ESCO1: variants seen among roughly 807,000 people sequenced by gnomAD.
ESCO1 encodes the protein N-acetyltransferase ESCO1.
Under a neutral mutation model 83.5 loss-of-function variants are expected in ESCO1, and 33 were observed. The observed-to-expected ratio is 0.40, with a 90% CI of 0.30 to 0.53. ESCO1 has a LOEUF of 0.53. Ranked by LOEUF, ESCO1 falls within the 20% of genes least tolerant of loss-of-function variation. The pLI, the probability that ESCO1 is intolerant of heterozygous loss-of-function variation, is 0.63. For missense variants in ESCO1, 855 were observed against 968.0 expected, an observed-to-expected ratio of 0.88 and a Z score of 1.55; for synonymous variants, 332 against 324.3, an observed-to-expected ratio of 1.02 and a Z score of -0.25.
intron 7 of ESCO1, among the ~76,000 whole-genome samples, chr18:21,562,099 C>T (rs546817134): frequency 6.8e-6 from 1 of 147,324 alleles, no homozygotes; most frequent in Non-Finnish European, 1.5e-5. Flanking sequence ...AGGCTGGTCT[C>T]AAACTCCTGA....
At chr18:21,555,799 C>T (rs902357764) in intron 8 of ESCO1, among the ~76,000 whole-genome samples, 1 of 151,936 alleles carries the variant, frequency 6.6e-6, no homozygotes, top group African/African-American at 2.4e-5. Context: ...GAGACACTGT[C>T]CCAAAAGGAA....
At chr18:21,543,869 T>G (rs538036569) in intron 8 of ESCO1, among the ~76,000 whole-genome samples, 8 of 152,142 alleles carry the variant, frequency 5.3e-5, no homozygotes, top group Non-Finnish European at 1.0e-4. Context: ...ACATAGGAAA[T>G]CATGAGCTAT....
intron 8 of ESCO1, among the ~76,000 whole-genome samples, chr18:21,551,122 A>T (rs889307663): frequency 3.3e-5 from 5 of 151,170 alleles, no homozygotes; most frequent in Non-Finnish European, 5.9e-5. Context: ...CAAAAAAAAA[A>T]AAAAAAAGAA....
rs1454532224 is a variant in ESCO1, at chr18:21,559,814, G to A, written c.1953+1045C>T. Among the ~76,000 whole-genome samples, 5 of 152,308 alleles carry A rather than the reference G, an allele frequency of 3.3e-5. No homozygotes were observed. In the East Asian group the frequency reaches 5.8e-4, roughly 18 times the overall value. ...CACCTTATATTTGGTGAAGTGGTAG[G>A]AGAGAGTGTGTGGAGAAGTCAGATG... On this transcript the variant is annotated intron_variant, in intron 8 of 11. Coordinates refer to ENST00000269214, the MANE Select transcript of ESCO1 (RefSeq NM_052911.3).
In ESCO1 at chr18:21,534,996, T is replaced by G. The variant is rs529048167; in HGVS notation, c.2187+1046A>C. Among the ~76,000 whole-genome samples, 3 of 152,246 alleles carry G rather than the reference T, an allele frequency of 2.0e-5. No individual in the cohort carries two copies. The South Asian group carries it at 6.2e-4, about 32-fold the overall frequency. On this transcript the variant is annotated intron_variant, in intron 10 of 11. Transcript: ENST00000269214. ...CAGTCCACCTGGTCTCTGTTGCAAC[T>G]ATTCAACTCTGCCTTTGTAGTACAA... is the stretch of plus-strand genomic sequence containing the variant.
Position 21,564,291 on chromosome 18 carries a change from G to C in ESCO1, c.1733C>G (p.Pro578Arg), listed in dbSNP as rs1333670663. The C allele has an allele frequency of 6.2e-7, 1 of 1,609,694 alleles. No homozygotes were observed. Among genetic ancestry groups the C allele is most frequent in the Non-Finnish European group, 8.5e-7 (1 of 1,178,232 alleles). The change falls in exon 7 of 12, where the codon CCT (proline) becomes CGT (arginine). Residue 578 changes from proline to arginine, a missense_variant. Transcript: ENST00000269214. Reference protein sequence around the residue: ...NRETPRNHSLPKCNSHLEITI... With the variant: ...NRETPRNHSLRKCNSHLEITI... ...TATCTCCAAATGGGAATTACACTTA[G>C]GCAAAGAATGATTTCGTGGTGTCTC...
At chr18:21,600,465 G>A (rs1038787272) in intron 1 of ESCO1, among the ~76,000 whole-genome samples, 158 bp downstream of exon 1, 1 of 152,248 alleles carries the variant, frequency 6.6e-6, no homozygotes, top group African/African-American at 2.4e-5. Flanking sequence ...CCTCCCAGGG[G>A]CGCGAAGAGC....
intron 8 of ESCO1, among the ~76,000 whole-genome samples, chr18:21,542,424 G>C (rs958615827): frequency 6.6e-6 from 1 of 152,132 alleles, no homozygotes; most frequent in Non-Finnish European, 1.5e-5. Flanking sequence ...CCTTGTTCTT[G>C]GTAGTTACTA....
At chr18:21,572,634 G>A (rs1237995105) in intron 4 of ESCO1, among the ~76,000 whole-genome samples, 8 of 152,136 alleles carry the variant, frequency 5.3e-5, no homozygotes, top group Admixed American at 5.2e-4. Flanking sequence ...AGGCTGATTA[G>A]TCCTAGTTGA....
chr18:21,568,763 C>T (rs1037333717), intron 4 of ESCO1, among the ~76,000 whole-genome samples: 1 of 151,924 alleles, frequency 6.6e-6, no homozygotes, highest in African/African-American at 2.4e-5. Context: ...ATTAGCTGGG[C>T]GTGATGGCAA....
Position 21,573,557 on chromosome 18 carries a change from C to A in ESCO1, c.1287G>T (p.Met429Ile), listed in dbSNP as rs1308083464. 2 of 1,613,950 alleles carry A rather than the reference C, an allele frequency of 1.2e-6. No individual in the cohort carries two copies. The highest frequency in any genetic ancestry group is 1.7e-6 in the Non-Finnish European group (2 of 1,180,010). The stretch of plus-strand genomic sequence containing the variant: ...ACGTACTTTGAGTCACTGGATGATG[C>A]ATTTCTAAAGCTGGTGGTGAAAAAC... Reference protein sequence around the residue: ...RTSFSPPALEMHHPVTQSTFL... With the variant: ...RTSFSPPALEIHHPVTQSTFL... The change falls in exon 4 of 12, where the codon ATG (methionine) becomes ATT (isoleucine). Residue 429 changes from methionine to isoleucine, a missense_variant. By Grantham distance (10) the Met-to-Ile change is conservative (BLOSUM62 1). Around this residue, in one of 2 missense-constraint regions of ESCO1, gnomAD observed 726 missense variants for 699.5 expected, o/e 1.04. Transcript: ENST00000269214.
chr18:21,545,401 C>T (rs1015103945), intron 8 of ESCO1, among the ~76,000 whole-genome samples: 11 of 151,430 alleles, frequency 7.3e-5, no homozygotes, highest in Non-Finnish European at 1.3e-4. Context: ...TGGCAAACCC[C>T]GTCTCTACTA....
chr18:21,532,541 G>A lies in ESCO1; in HGVS notation c.2307C>T (p.Ile769=), dbSNP rs2037780432. The A allele has an allele frequency of 1.2e-6, 2 of 1,614,178 alleles. No homozygotes were observed. The highest frequency in any genetic ancestry group is 3.3e-5 in the Admixed American group (2 of 60,018). The change falls in exon 11 of 12, where the codon ATC becomes ATT. Residue 769 remains isoleucine, a synonymous_variant. Coordinates refer to ENST00000269214, the MANE Select transcript of ESCO1 (RefSeq NM_052911.3). ...STLPEPAICG[I]SRIWVFSMMR... ...TCATGCTGAATACCCATATTCGACTGATCCCGCAGATTGCAGGCTCTGGTA... is the reference window on the plus strand; with the variant it reads ...TCATGCTGAATACCCATATTCGACTAATCCCGCAGATTGCAGGCTCTGGTA...
At chr18:21,595,386 A>AG (rs773195514) in intron 1 of ESCO1, among the ~76,000 whole-genome samples, 5 of 95,584 alleles carry the variant, frequency 5.2e-5, no homozygotes, top group Non-Finnish European at 5.9e-5. Flanking sequence ...AAAAAAAAAA[A>AG]GGGGCCGGCG....
At chr18:21,554,968 C>T (rs938403200) in intron 8 of ESCO1, among the ~76,000 whole-genome samples, 2 of 151,680 alleles carry the variant, frequency 1.3e-5, no homozygotes, top group Non-Finnish European at 2.9e-5. Context: ...TGGCGACACA[C>T]GCCTGTAGTC....
At chr18:21,535,411 A>C (rs1407213841) in intron 10 of ESCO1, among the ~76,000 whole-genome samples, 6 of 134,220 alleles carry the variant, frequency 4.5e-5, no homozygotes, top group Non-Finnish European at 9.4e-5. Context: ...TTTGAGACCG[A>C]GTCTTGTGTC....
intron 1 of ESCO1, among the ~76,000 whole-genome samples, chr18:21,585,320 ACAGAGTAT>A (rs1168520946): frequency 6.6e-6 from 1 of 152,070 alleles, no homozygotes; most frequent in Non-Finnish European, 1.5e-5. Flanking sequence ...CTCGGTGGGG[ACAGAGTAT>A]CTATACTTCC....
intron 9 of ESCO1, among the ~76,000 whole-genome samples, chr18:21,537,233 A>G (rs2037848604): frequency 6.6e-6 from 1 of 152,224 alleles, no homozygotes; most frequent in South Asian, 2.1e-4. Flanking sequence ...GTACTCAACC[A>G]TTAGTTCCTT....
At chr18:21,595,655 G>A (rs1257536656) in intron 1 of ESCO1, among the ~76,000 whole-genome samples, 4 of 146,358 alleles carry the variant, frequency 2.7e-5, no homozygotes, top group East Asian at 4.0e-4. Flanking sequence ...GCAACAGAGC[G>A]AGACTCCGAC....
Sources: gnomAD v4.1 joint callset for allele counts (sites outside exome capture counted in the v4.1 genomes callset) on GRCh38, gnomAD v4.1.1 for gene constraint, gnomAD v4.1.1 regional missense constraint, MANE v1.5 for transcripts, NCBI Gene and HGNC (gene_info 2026-07-23, HGNC 2026-07-21) for gene names.